The following LRMDA variants were observed in gnomAD, a reference collection of about 807,000 sequenced individuals.
LRMDA encodes the protein leucine-rich melanocyte differentiation-associated protein.
A neutral mutation model predicts 29.8 loss-of-function variants in LRMDA; 18 were observed. That is an observed-to-expected ratio of 0.60 (90% CI 0.42 to 0.90). The LOEUF (loss-of-function observed/expected upper bound fraction) is 0.90. Among genes scored for constraint, LRMDA ranks in the 40% least tolerant of loss-of-function variants. The pLI is 0.00. For missense variants in LRMDA, 273 were observed against 273.9 expected (o/e 1.00, Z 0.02); for synonymous variants, 125 against 109.4 (o/e 1.14, Z -0.89).
rs541135458 is a variant in LRMDA, at chr10:75,872,079, C to T, written c.132-163929C>T. The stretch of plus-strand genomic sequence containing the variant: ...AAAGCACCCCATCTCTACCACTGTA[C>T]GGTACTTTTAAATTTCTACTTTATG... On this transcript the variant is annotated intron_variant, in intron 2 of 6. Coordinates refer to ENST00000611255, the MANE Select transcript of LRMDA (RefSeq NM_001305581.2). 1.1e-3 allele frequency among the ~76,000 whole-genome samples: 169 copies of T among 152,286 alleles called. 2 individuals are homozygous for T. In the South Asian group the frequency reaches 0.032, roughly 29 times the overall value.
intron 5 of LRMDA, among the ~76,000 whole-genome samples, chr10:76,158,687 C>G (rs1306993794): frequency 6.6e-6 from 1 of 152,024 alleles, no homozygotes; most frequent in Non-Finnish European, 1.5e-5. Context: ...TGCAAGAAAC[C>G]TTAAAGATCA....
chr10:75,929,910 C>T (rs961407245), intron 2 of LRMDA, among the ~76,000 whole-genome samples: 4 of 152,160 alleles, frequency 2.6e-5, no homozygotes, highest in Non-Finnish European at 1.5e-5. Flanking sequence ...AAAAATGAGG[C>T]TGATCAGTCA....
At chr10:75,873,624 C>G (rs1301425586) in intron 2 of LRMDA, among the ~76,000 whole-genome samples, 1 of 152,118 alleles carries the variant, frequency 6.6e-6, no homozygotes, top group Non-Finnish European at 1.5e-5. Flanking sequence ...GTATTTAAAA[C>G]TAGGTGATTC....
intron 5 of LRMDA, among the ~76,000 whole-genome samples, chr10:76,100,332 A>T (rs1364893669): frequency 1.3e-5 from 2 of 152,188 alleles, no homozygotes; most frequent in Non-Finnish European, 2.9e-5. Flanking sequence ...AAAAGAAAAA[A>T]AACTCTCAGA....
chr10:76,547,781 A>G (rs1380033437), intron 6 of LRMDA, among the ~76,000 whole-genome samples: 1 of 152,162 alleles, frequency 6.6e-6, no homozygotes, highest in African/African-American at 2.4e-5. Context: ...TGTGACATCC[A>G]TCACGGACCC....
At chr10:75,891,471 A>G (rs950818781) in intron 2 of LRMDA, among the ~76,000 whole-genome samples, 1 of 152,168 alleles carries the variant, frequency 6.6e-6, no homozygotes, top group Non-Finnish European at 1.5e-5. Context: ...CAAAGCCTTG[A>G]GGCAGAAGCT....
intron 6 of LRMDA, among the ~76,000 whole-genome samples, chr10:76,372,945 T>C (rs1841472404): frequency 6.6e-6 from 1 of 152,220 alleles, no homozygotes; most frequent in African/African-American, 2.4e-5. Context: ...GTTCCATTTT[T>C]TTTAAAAAGG....
At chr10:75,682,138 C>G (rs1205232785) in intron 2 of LRMDA, among the ~76,000 whole-genome samples, 2 of 152,110 alleles carry the variant, frequency 1.3e-5, no homozygotes, top group African/African-American at 2.4e-5. Flanking sequence ...GAAATTAAAC[C>G]TAGGATTAAA....
intron 5 of LRMDA, among the ~76,000 whole-genome samples, chr10:76,122,748 A>G (rs1849811762): frequency 1.3e-5 from 2 of 152,158 alleles, no homozygotes; most frequent in South Asian, 2.1e-4. Context: ...GAACATGAAC[A>G]TGAACTCTAA....
chr10:75,605,440 G>A (rs962818269), intron 2 of LRMDA, among the ~76,000 whole-genome samples: 9 of 152,174 alleles, frequency 5.9e-5, no homozygotes, highest in African/African-American at 2.2e-4. Context: ...ATCGCACCTA[G>A]AAAGTTTGTA....
At chr10:76,230,952 G>A (rs1252649503) in intron 5 of LRMDA, among the ~76,000 whole-genome samples, 1 of 152,184 alleles carries the variant, frequency 6.6e-6, no homozygotes, top group African/African-American at 2.4e-5. Context: ...TACAGCTAGA[G>A]GCAATCCAGT....
intron 2 of LRMDA, among the ~76,000 whole-genome samples, chr10:76,004,645 T>C (rs2132472261): frequency 6.6e-6 from 1 of 152,300 alleles, no homozygotes; most frequent in Admixed American, 6.5e-5. Context: ...TCAGGTGATT[T>C]TGTTGTCGAT....
chr10:76,226,178 G>T (rs113158614), intron 5 of LRMDA, among the ~76,000 whole-genome samples: 54 of 152,208 alleles, frequency 3.5e-4, no homozygotes, highest in African/African-American at 1.3e-3. Flanking sequence ...GAAGGCTGGG[G>T]AGACCTCAGG....
At chr10:76,542,886 G>T (rs1429306312) in intron 6 of LRMDA, among the ~76,000 whole-genome samples, 1 of 152,162 alleles carries the variant, frequency 6.6e-6, no homozygotes, top group Non-Finnish European at 1.5e-5. Context: ...TTTTCCTGAA[G>T]GATCTAGTTA....
intron 5 of LRMDA, among the ~76,000 whole-genome samples, chr10:76,090,292 G>A (rs1320618874): frequency 3.9e-5 from 6 of 152,198 alleles, no homozygotes. Flanking sequence ...CTGCCGTGAA[G>A]CCAGTTTCAC....
chr10:75,880,080 T>C (rs1845268823), intron 2 of LRMDA, among the ~76,000 whole-genome samples: 1 of 152,250 alleles, frequency 6.6e-6, no homozygotes, highest in African/African-American at 2.4e-5. Context: ...TCATTGCTGT[T>C]TGTCGGCCTG....
chr10:76,363,403 A>G (rs1013035129), intron 6 of LRMDA, among the ~76,000 whole-genome samples: 14 of 152,152 alleles, frequency 9.2e-5, no homozygotes, highest in African/African-American at 1.4e-4. Context: ...TGAAATTATC[A>G]TCTCTATAGA....
chr10:75,773,142 A>C (rs1185357997), intron 2 of LRMDA, among the ~76,000 whole-genome samples: 1 of 152,156 alleles, frequency 6.6e-6, no homozygotes, highest in Non-Finnish European at 1.5e-5. Context: ...ATGTTGAAGG[A>C]TGTATCACAG....
intron 2 of LRMDA, among the ~76,000 whole-genome samples, chr10:75,526,205 A>G (rs1845411095): frequency 6.6e-6 from 1 of 152,052 alleles, no homozygotes; most frequent in African/African-American, 2.4e-5. Flanking sequence ...AGAAGGGACC[A>G]CAGGCATGTA....
Sources: gnomAD v4.1 joint callset for allele counts (sites outside exome capture counted in the v4.1 genomes callset) on GRCh38, gnomAD v4.1.1 for gene constraint, MANE v1.5 for transcripts, NCBI Gene and HGNC (gene_info 2026-07-23, HGNC 2026-07-21) for gene names.